The following CNOT9 variants were observed in gnomAD, a reference collection of about 807,000 sequenced individuals.
CNOT9 encodes the protein CCR4-NOT transcription complex subunit 9, also known as RCD1 required for cell differentiation1 homolog.
In CNOT9, 8 loss-of-function variants were observed where a neutral mutation model predicts 37.4. That is an observed-to-expected ratio of 0.21 (90% confidence interval 0.13 to 0.39). The LOEUF (loss-of-function observed/expected upper bound fraction) is 0.39, where lower values mean the gene tolerates loss of function less well. CNOT9 is among the 10% of genes least tolerant of loss of function. The pLI, the probability that CNOT9 is intolerant of heterozygous loss-of-function variation, is 1.00. For missense variants in CNOT9, 154 were observed against 365.3 expected, an observed-to-expected ratio of 0.42 and a Z score of 4.71; for synonymous variants, 120 against 137.6, an observed-to-expected ratio of 0.87 and a Z score of 0.90.
chr2:218,587,128 T>C (rs1378014298), intron 4 of CNOT9, among the ~76,000 whole-genome samples: 1 of 151,952 alleles, frequency 6.6e-6, no homozygotes, highest in African/African-American at 2.4e-5. Flanking sequence ...ACAAAGACAA[T>C]TTAGTGCAGA....
chr2:218,578,866 T>C (rs896260995), intron 1 of CNOT9, among the ~76,000 whole-genome samples: 12 of 152,196 alleles, frequency 7.9e-5, no homozygotes, highest in Non-Finnish European at 1.6e-4. Flanking sequence ...CTATAGAGAA[T>C]TATAAAATAT....
chr2:218,595,463 A>C lies in CNOT9; in HGVS notation c.*1187A>C, dbSNP rs1163926569. ...TTCTCTTTTAGTCTATGGGAATTAC[A>C]GGGTTGCCGCTAAAATATTCACTTG... On this transcript the variant is annotated 3_prime_UTR_variant, in exon 8 of 8. Coordinates refer to ENST00000273064, the MANE Select transcript of CNOT9 (RefSeq NM_005444.3). 8.6e-6 allele frequency: 1 copy of C among 115,894 alleles called. No individual in the cohort carries two copies. The highest frequency in any genetic ancestry group is 1.6e-5 in the Non-Finnish European group (1 of 60,928). The allele number at this position is 115,894 out of a possible 1,614,324, so 7.2% of individuals were successfully genotyped here.
intron 3 of CNOT9, among the ~76,000 whole-genome samples, chr2:218,584,054 C>A (rs1170744515): frequency 6.6e-6 from 1 of 152,184 alleles, no homozygotes; most frequent in African/African-American, 2.4e-5. Context: ...TACTATTATT[C>A]AGTCATAGGT....
chr2:218,594,286 G>C lies in CNOT9; in HGVS notation c.*10G>C, dbSNP rs1477819732. ...CCTGCCCCCTCAGTGATCCTTCCCT[G>C]TTCCCTCCCACTACTCCCCCAAGTT... On this transcript the variant is annotated 3_prime_UTR_variant, in exon 8 of 8. Coordinates refer to ENST00000273064, the MANE Select transcript of CNOT9 (RefSeq NM_005444.3). The C allele has an allele frequency of 6.3e-7, 1 of 1,598,388 alleles. No homozygotes were observed. Among genetic ancestry groups the C allele is most frequent in the Non-Finnish European group, 8.5e-7 (1 of 1,171,820 alleles).
chr2:218,580,910 G>A (rs1694349491), intron 2 of CNOT9, 170 bp downstream of exon 2: 1 of 705,708 alleles, frequency 1.4e-6, no homozygotes, highest in African/African-American at 1.8e-5. Flanking sequence ...GCAGATTCTT[G>A]GATCCTTACC....
At position 218,594,400 on chromosome 2, in the gene CNOT9, GA is replaced by G. The variant is rs1694871324; in HGVS notation, c.*128del. 2 of 1,114,700 alleles carry G rather than the reference GA, an allele frequency of 1.8e-6. No individual in the cohort carries two copies. The highest frequency in any genetic ancestry group is 5.0e-5 in the Admixed American group (2 of 39,840). The allele number at this position is 1,114,700 out of a possible 1,614,324, so 69.1% of individuals were successfully genotyped here. ...AACCTCAATGCTGAACCGCACTGGAGAAAAGGGGCAAGGTACCCCTGCTGAG... is the reference window on the plus strand; with the variant it reads ...AACCTCAATGCTGAACCGCACTGGAGAAAGGGGCAAGGTACCCCTGCTGAG... On this transcript the variant is annotated 3_prime_UTR_variant, in exon 8 of 8. Transcript: ENST00000273064.
At chr2:218,582,473 G>A (rs1274918206) in intron 2 of CNOT9, among the ~76,000 whole-genome samples, 1 of 152,194 alleles carries the variant, frequency 6.6e-6, no homozygotes, top group Non-Finnish European at 1.5e-5. Context: ...GGCAGATCAC[G>A]AGGTCAGCAG....
chr2:218,592,232 GGAAAATGAGTA>G lies in CNOT9; in HGVS notation c.541-62_541-52del, dbSNP rs1694804208. The stretch of plus-strand genomic sequence containing the variant: ...ATTTTCTGACTGATAGTCATGCCTG[GGAAAATGAGTA>G]GAAAATGAGAAGATTAAATCTGAGC... On this transcript the variant is annotated intron_variant, in intron 5 of 7. Coordinates refer to ENST00000273064, the MANE Select transcript of CNOT9 (RefSeq NM_005444.3). This position sits in a 1 kb window ranked among gnomAD's most constrained non-coding sequence, Gnocchi z 4.1. 2 of 1,146,696 alleles carry G rather than the reference GGAAAATGAGTA, an allele frequency of 1.7e-6. No individual in the cohort carries two copies. Among genetic ancestry groups the G allele is most frequent in the Non-Finnish European group, 2.6e-6 (2 of 768,214 alleles). The allele number at this position is 1,146,696 out of a possible 1,614,324, so 71.0% of individuals were successfully genotyped here.
intron 5 of CNOT9, among the ~76,000 whole-genome samples, chr2:218,589,517 G>A (rs1459463945): frequency 6.6e-6 from 1 of 152,024 alleles, no homozygotes; most frequent in African/African-American, 2.4e-5. Context: ...TTTATTTTTT[G>A]TAAAGACAAG....
chr2:218,593,018 G>A (rs585185), intron 7 of CNOT9: 213,925 of 328,752 alleles, frequency 0.65, 70,163 homozygotes, highest in East Asian at 0.9. Context: ...CGTGGTCAGA[G>A]AGAGAAGTAT....
chr2:218,591,281 A>G (rs1301059063), intron 5 of CNOT9, among the ~76,000 whole-genome samples: 2 of 152,232 alleles, frequency 1.3e-5, no homozygotes, highest in Admixed American at 1.3e-4. Flanking sequence ...AATTTAAATT[A>G]AACTAATATT....
At chr2:218,593,478 T>C in intron 7 of CNOT9, 1 of 1,192,660 alleles carries the variant, frequency 8.4e-7, no homozygotes, top group South Asian at 1.8e-5. Context: ...GCAAAAACTA[T>C]AACTTTGTTT....
At chr2:218,591,038 A>G (rs1325759769) in intron 5 of CNOT9, among the ~76,000 whole-genome samples, 2 of 152,110 alleles carry the variant, frequency 1.3e-5, no homozygotes, top group African/African-American at 4.8e-5. Flanking sequence ...TTTAAGGCCT[A>G]CTTGGATAAA....
At chr2:218,569,633 C>G (rs1228987851) in intron 1 of CNOT9, among the ~76,000 whole-genome samples, 1 of 152,202 alleles carries the variant, frequency 6.6e-6, no homozygotes, top group Non-Finnish European at 1.5e-5. Flanking sequence ...TGATGTGGTA[C>G]TTAACCCACG....
intron 1 of CNOT9, among the ~76,000 whole-genome samples, chr2:218,579,814 A>G (rs1694308080): frequency 6.7e-6 from 1 of 149,294 alleles, no homozygotes; most frequent in South Asian, 2.1e-4. Flanking sequence ...TTATTTATTT[A>G]TTTATTTGTT....
At chr2:218,569,947 CTT>C (rs1478294489) in intron 1 of CNOT9, among the ~76,000 whole-genome samples, 1 of 152,178 alleles carries the variant, frequency 6.6e-6, no homozygotes, top group Non-Finnish European at 1.5e-5. Context: ...CAGCCTCTAA[CTT>C]TAGTAGAGTA....
In CNOT9 at chr2:218,587,588, G is replaced by T; in HGVS notation, c.433G>T (p.Ala145Ser). 6.3e-7 allele frequency: 1 copy of T among 1,582,842 alleles called. No individual in the cohort carries two copies. The highest frequency in any genetic ancestry group is 8.6e-7 in the Non-Finnish European group (1 of 1,164,492). ...TTGTTTGTCCTTATTTTCTTTAGGG[G>T]CCCTGGTGAAAACAGATGAACAAGA... ...LRLTSLGVIG[A>S]LVKTDEQEVI... is the part of the protein sequence containing the mutation. The change falls in exon 5 of 8, where the codon GCC becomes TCC. Residue 145 changes from alanine (A) to serine (S), a missense_variant and splice_region_variant. This residue lies in a region of CNOT9 where 117 missense variants were observed against 325.4 expected (regional missense o/e 0.36). Transcript: ENST00000273064.
Position 218,595,268 on chromosome 2 carries a change from C to T in CNOT9, c.*992C>T, listed in dbSNP as rs1694896434. ...GGTGCTTGGGATTAAGGTGACAGTC[C>T]ACTTGATCCTTTTCTTTGTTTTAGT... On this transcript the variant is annotated 3_prime_UTR_variant, in exon 8 of 8. Transcript: ENST00000273064. The T allele has an allele frequency of 6.6e-6, 1 of 152,012 alleles. No individual in the cohort carries two copies. Among genetic ancestry groups the T allele is most frequent in the Non-Finnish European group, 1.5e-5 (1 of 68,012 alleles). The allele number at this position is 152,012 out of a possible 1,614,324, so 9.4% of individuals were successfully genotyped here. A position where few individuals can be genotyped will look rare whatever the true frequency, so the allele number is the denominator to read the frequency against.
intron 5 of CNOT9, among the ~76,000 whole-genome samples, chr2:218,591,409 C>T (rs1050377963): frequency 1.3e-5 from 2 of 152,078 alleles, no homozygotes; most frequent in African/African-American, 4.8e-5. Context: ...CAAAGAGAAG[C>T]GTGAAAATCT....
Sources: allele counts gnomAD v4.1 joint callset (sites outside exome capture counted in the v4.1 genomes callset), GRCh38; gene constraint gnomAD v4.1.1; regional missense constraint gnomAD v4.1.1; non-coding constraint Gnocchi (gnomAD v3.1); transcripts MANE v1.5; gene names NCBI Gene and HGNC (gene_info 2026-07-23, HGNC 2026-07-21).